TRIM67: variants seen among roughly 807,000 people sequenced by gnomAD.
The protein encoded by TRIM67 is tripartite motif-containing protein 67.
A neutral mutation model predicts 71.0 loss-of-function variants in TRIM67; 39 were observed. The observed-to-expected ratio is 0.55, with a 90% CI of 0.43 to 0.72. The LOEUF is 0.72. TRIM67 is among the 30% of genes least tolerant of loss of function. The pLI is 0.00. For synonymous variants in TRIM67, 481 were observed against 473.9 expected, an observed-to-expected ratio of 1.01 and a Z score of -0.19; for missense variants, 973 against 1,079.2, an observed-to-expected ratio of 0.90 and a Z score of 1.38.
In TRIM67 at chr1:231,218,965, A is replaced by C. The variant is rs963017073; in HGVS notation, c.*3525A>C. ...GTGTATTTCTTCCAGGGATATTTGC[A>C]TTTAAGCCTTAATTCTCATTGCAAG... On this transcript the variant is annotated 3_prime_UTR_variant, in exon 10 of 10. Transcript: ENST00000366653. The C allele has an allele frequency of 5.1e-6, 5 of 985,326 alleles. No individual in the cohort carries two copies. The highest frequency in any genetic ancestry group is 6.0e-6 in the Non-Finnish European group (5 of 829,942). The allele number at this position is 985,326 out of a possible 1,614,324, so 61.0% of individuals were successfully genotyped here.
At chr1:231,196,833 G>T (rs1341859880) in intron 1 of TRIM67, among the ~76,000 whole-genome samples, 1 of 152,062 alleles carries the variant, frequency 6.6e-6, no homozygotes, top group Non-Finnish European at 1.5e-5. Flanking sequence ...TGCCCCTTTA[G>T]AGGATGCCCT....
At chr1:231,188,696 C>T (rs1307750840) in intron 1 of TRIM67, among the ~76,000 whole-genome samples, 1 of 152,170 alleles carries the variant, frequency 6.6e-6, no homozygotes, top group Non-Finnish European at 1.5e-5. Context: ...AGCCCATGCT[C>T]CCTTCTGTAA....
intron 8 of TRIM67, among the ~76,000 whole-genome samples, chr1:231,211,025 A>T (rs1429727476): frequency 4.1e-5 from 5 of 122,182 alleles, no homozygotes; most frequent in African/African-American, 1.6e-4. Flanking sequence ...TCTACCAAAA[A>T]AAAAAAATAT....
In TRIM67 at chr1:231,163,176, C is replaced by A. The variant is rs1327712603; in HGVS notation, c.207C>A (p.His69Gln). 4 of 1,496,478 alleles carry A rather than the reference C, an allele frequency of 2.7e-6. No individual in the cohort carries two copies. In the East Asian group the frequency reaches 1.1e-4, roughly 41 times the overall value. 92.7% of individuals were successfully genotyped at this position (1,496,478 alleles called of 1,614,324 possible). Residue 69 changes from histidine to glutamine, a missense_variant, in exon 1 of 10, where the codon CAC becomes CAA. By Grantham distance (24) the His-to-Gln change is conservative. This residue lies in a region of TRIM67 where 795 missense variants were observed against 831.3 expected (regional missense o/e 0.96). Transcript: ENST00000366653. ...AGAAAAASLEHDAAAGPACGG... is the reference protein window; with the variant it reads ...AGAAAAASLEQDAAAGPACGG... ...CCGCCGCCGCTGCCTCTCTGGAGCA[C>A]GACGCTGCGGCTGGCCCGGCCTGCG...
intron 1 of TRIM67, among the ~76,000 whole-genome samples, chr1:231,178,011 G>T (rs1334968095): frequency 6.6e-6 from 1 of 152,176 alleles, no homozygotes; most frequent in Non-Finnish European, 1.5e-5. Context: ...TAAAGGAAGG[G>T]TCATTCCTGG....
Position 231,213,852 on chromosome 1 carries a change from G to C in TRIM67, c.2161G>C (p.Val721Leu). 6.2e-7 allele frequency: 1 copy of C among 1,611,770 alleles called. No homozygotes were observed. The highest frequency in any genetic ancestry group is 8.5e-7 in the Non-Finnish European group (1 of 1,178,544). Reference sequence around the variant, plus strand: ...CGTGTGCAAGGGGGCCACCGTGGGCGTGCTGCTGGACCTGAATAAGCACAC... The same window carrying C: ...CGTGTGCAAGGGGGCCACCGTGGGCCTGCTGCTGGACCTGAATAAGCACAC... The part of the protein sequence containing the change: ...GGVCKGATVG[V>L]LLDLNKHTLT... Residue 721 changes from valine (V) to leucine (L), a missense_variant, in exon 9 of 10, where the codon GTG becomes CTG. Val to Leu is a conservative substitution (Grantham distance 32). This residue lies in a region of TRIM67 where 178 missense variants were observed against 247.9 expected (regional missense o/e 0.72). Transcript: ENST00000366653.
At chr1:231,193,503 G>GCTCTCTCC (rs71567055) in intron 1 of TRIM67, among the ~76,000 whole-genome samples, 1 of 81,946 alleles carries the variant, frequency 1.2e-5, no homozygotes, top group Non-Finnish European at 2.3e-5. Flanking sequence ...TCTCTCTCAA[G>GCTCTCTCC]CTCTCTCTCT....
rs1682299219 is a variant in TRIM67 at position 231,162,074 on chromosome 1, C to G, written c.-896C>G. 1 of 152,178 alleles carries G rather than the reference C, an allele frequency of 6.6e-6. No individual in the cohort carries two copies. The highest frequency in any genetic ancestry group is 2.1e-4 in the South Asian group (1 of 4,836). The allele number at this position is 152,178 out of a possible 1,614,324, so 9.4% of individuals were successfully genotyped here. A position where few individuals can be genotyped will look rare whatever the true frequency, so the allele number is the denominator to read the frequency against. On this transcript the variant is annotated 5_prime_UTR_variant, in exon 1 of 10. Transcript: ENST00000366653. ...CTGGAAATTACAACTCCTCGGCGCGCCGCGCGGGGAGGCAGCGGCAGCGGC... is the reference window on the plus strand; with the variant it reads ...CTGGAAATTACAACTCCTCGGCGCGGCGCGCGGGGAGGCAGCGGCAGCGGC...
At chr1:231,182,950 G>C (rs1415207541) in intron 1 of TRIM67, among the ~76,000 whole-genome samples, 1 of 152,182 alleles carries the variant, frequency 6.6e-6, no homozygotes, top group East Asian at 1.9e-4. Context: ...TTAAGTTCTA[G>C]CTAAGAAAAT....
intron 1 of TRIM67, among the ~76,000 whole-genome samples, chr1:231,183,589 G>A (rs1231916866): frequency 2.0e-5 from 3 of 152,184 alleles, no homozygotes; most frequent in Admixed American, 2.0e-4. Context: ...AATCCAGACT[G>A]GACAACAAAA....
At chr1:231,187,819 C>T (rs986819512) in intron 1 of TRIM67, among the ~76,000 whole-genome samples, 4 of 152,160 alleles carry the variant, frequency 2.6e-5, no homozygotes, top group Non-Finnish European at 2.9e-5. Flanking sequence ...TGGAGAGAGA[C>T]CCAGGCAGGC....
intron 6 of TRIM67, among the ~76,000 whole-genome samples, chr1:231,206,434 T>C (rs1164473865): frequency 6.6e-6 from 1 of 152,114 alleles, no homozygotes; most frequent in Non-Finnish European, 1.5e-5. Context: ...AGCAAGACTC[T>C]GTCCCTCAAA....
chr1:231,197,757 G>A (rs993610775), intron 2 of TRIM67, among the ~76,000 whole-genome samples: 4 of 152,148 alleles, frequency 2.6e-5, no homozygotes, highest in South Asian at 2.1e-4. Flanking sequence ...CCTGGGAGGC[G>A]GAGGTTGCAG....
Position 231,211,124 on chromosome 1 carries a change from G to A in TRIM67, c.2123+1874G>A, listed in dbSNP as rs142968990. On this transcript the variant is annotated intron_variant, in intron 8 of 9. Transcript: ENST00000366653. The stretch of plus-strand genomic sequence containing the variant: ...GGTCAGACAACGGCTCGGGTCACGC[G>A]GCTAGTTGATACTGTCAGGGTTGAG... Among the ~76,000 whole-genome samples, 19 of 151,840 alleles carry A rather than the reference G, an allele frequency of 1.3e-4. No individual in the cohort carries two copies. In the East Asian group the frequency reaches 3.5e-3, roughly 28 times the overall value.
rs542854427 is a variant in TRIM67, at chr1:231,194,921, G to T, written c.1045-2450G>T. Among the ~76,000 whole-genome samples, 7 of 152,194 alleles carry T rather than the reference G, an allele frequency of 4.6e-5. No individual in the cohort carries two copies. In the East Asian group the frequency reaches 1.4e-3, roughly 29 times the overall value. On this transcript the variant is annotated intron_variant, in intron 1 of 9. Coordinates refer to ENST00000366653, the MANE Select transcript of TRIM67 (RefSeq NM_001004342.5). ...GCGGGGCCGGGGAGTGCGGCAGGGA[G>T]GTCTCTCTATGTTGCCCAGGCTGGT...
rs900609629 is a variant in TRIM67, at chr1:231,218,041, A to T, written c.*2601A>T. The T allele has an allele frequency of 1.1e-5, 13 of 1,166,994 alleles. No individual in the cohort carries two copies. In the African/African-American group the frequency reaches 2.1e-4, roughly 19 times the overall value. The allele number at this position is 1,166,994 out of a possible 1,614,324, so 72.3% of individuals were successfully genotyped here. Reference sequence around the variant, plus strand: ...CAGCATCCAGCTCTCCTTCACAGACACCTCTCCTGTCTTCAGCACAAAACA... The same window carrying T: ...CAGCATCCAGCTCTCCTTCACAGACTCCTCTCCTGTCTTCAGCACAAAACA... On this transcript the variant is annotated 3_prime_UTR_variant, in exon 10 of 10. Coordinates refer to ENST00000366653, the MANE Select transcript of TRIM67 (RefSeq NM_001004342.5).
rs1394018833 is a variant in TRIM67, at chr1:231,184,990, GGGTGGCCGGCA to G, written c.1045-12377_1045-12367del. 7.9e-6 allele frequency: 12 copies of G among 1,528,614 alleles called. 1 individual carries two copies. The African/African-American group carries it at 1.7e-4, about 21-fold the overall frequency. The allele number at this position is 1,528,614 out of a possible 1,614,324, so 94.7% of individuals were successfully genotyped here. On this transcript the variant is annotated intron_variant, in intron 1 of 9. Coordinates refer to ENST00000366653, the MANE Select transcript of TRIM67 (RefSeq NM_001004342.5). The stretch of plus-strand genomic sequence containing the variant: ...TAAACACCCAGCAGTGCTCCTGAAT[GGGTGGCCGGCA>G]GGTTGGGGAGGGTCAGCTTATTCTG...
intron 1 of TRIM67, chr1:231,185,040 G>A: frequency 6.5e-7 from 1 of 1,533,006 alleles, no homozygotes; most frequent in Non-Finnish European, 8.7e-7. Flanking sequence ...GCAGGGCCTA[G>A]GCTAGTGTGG....
chr1:231,209,126 G>A lies in TRIM67; in HGVS notation c.1999G>A (p.Ala667Thr), dbSNP rs779861455. 10 of 1,613,840 alleles carry A rather than the reference G, an allele frequency of 6.2e-6. No homozygotes were observed. The highest frequency in any genetic ancestry group is 7.6e-6 in the Non-Finnish European group (9 of 1,179,874). The change falls in exon 8 of 10, where the codon GCC (alanine) becomes ACC (threonine). Residue 667 changes from alanine (A) to threonine (T), a missense_variant. Transcript: ENST00000366653. The surrounding 1 kb of genome is among the most constrained non-coding windows in gnomAD (Gnocchi z 4.1). ...VDRYDNHPDPAFGVARASVVK... is the reference protein window; with the variant it reads ...VDRYDNHPDPTFGVARASVVK... ...CCGGTACGACAACCACCCAGACCCC[G>A]CCTTCGGGGTGGCCAGGGCCAGCGT...
Sources: allele counts gnomAD v4.1 joint callset (sites outside exome capture counted in the v4.1 genomes callset), GRCh38; gene constraint gnomAD v4.1.1; regional missense constraint gnomAD v4.1.1; non-coding constraint Gnocchi (gnomAD v3.1); transcripts MANE v1.5; gene names NCBI Gene and HGNC (gene_info 2026-07-23, HGNC 2026-07-21).